GNPTAB: variants seen among roughly 807,000 people sequenced by gnomAD.
GNPTAB encodes N-acetylglucosamine-1-phosphate transferase subunits alpha and beta, also known as N-acetylglucosamine-1-phosphotransferase subunits alpha/beta.
Under a neutral mutation model 136.6 loss-of-function variants are expected in GNPTAB, and 92 were observed. The ratio of observed to expected loss-of-function variants is 0.67; its 90% CI spans 0.57 to 0.80. GNPTAB has a LOEUF of 0.80. Ranked by LOEUF, GNPTAB falls within the 30% of genes least tolerant of loss-of-function variation. The probability of loss-of-function intolerance (pLI) is 0.00; values close to 1 mark genes in which losing one functional copy is unlikely to be tolerated. For synonymous variants in GNPTAB, 512 were observed against 535.1 expected (o/e 0.96, Z 0.60); for missense variants, 1,343 against 1,501.8 (o/e 0.89, Z 1.75).
intron 1 of GNPTAB, among the ~76,000 whole-genome samples, chr12:101,802,199 TAAA>T (rs112485347): frequency 2.6e-4 from 28 of 108,188 alleles, no homozygotes; most frequent in South Asian, 1.2e-3. Flanking sequence ...CCCTGTCTCT[TAAA>T]AAAAAAAAAA....
intron 19 of GNPTAB, among the ~76,000 whole-genome samples, chr12:101,751,427 T>G (rs192370724): frequency 1.3e-5 from 2 of 152,320 alleles, no homozygotes; most frequent in East Asian, 3.9e-4. Context: ...TGGTACCACA[T>G]GCCTTTCATC....
intron 1 of GNPTAB, among the ~76,000 whole-genome samples, chr12:101,827,826 C>T (rs1467385708): frequency 6.6e-6 from 1 of 151,964 alleles, no homozygotes; most frequent in African/African-American, 2.4e-5. Context: ...CTTAGTCTAG[C>T]GTGATGGCGG....
chr12:101,820,222 T>C (rs1378000139), intron 1 of GNPTAB, among the ~76,000 whole-genome samples: 3 of 152,244 alleles, frequency 2.0e-5, no homozygotes, highest in Non-Finnish European at 4.4e-5. Flanking sequence ...TAAGTATTCA[T>C]TCAACAAATA....
intron 1 of GNPTAB, among the ~76,000 whole-genome samples, chr12:101,811,700 G>A (rs189556029): frequency 1.3e-5 from 2 of 149,964 alleles, no homozygotes; most frequent in East Asian, 3.9e-4. Flanking sequence ...GTGCAGTGGT[G>A]AGATCTCAGC....
chr12:101,825,954 C>T (rs973012357), intron 1 of GNPTAB, among the ~76,000 whole-genome samples: 1 of 152,156 alleles, frequency 6.6e-6, no homozygotes, highest in Non-Finnish European at 1.5e-5. Context: ...CAGACGGTCC[C>T]CACTCTCAGG....
intron 1 of GNPTAB, among the ~76,000 whole-genome samples, chr12:101,809,005 T>A (rs1051085331): frequency 6.6e-6 from 1 of 152,074 alleles, no homozygotes; most frequent in Non-Finnish European, 1.5e-5. Context: ...AAGATAACTA[T>A]TGACTGAGAA....
At chr12:101,777,716 G>A (rs1953280141) in intron 7 of GNPTAB, among the ~76,000 whole-genome samples, 1 of 152,212 alleles carries the variant, frequency 6.6e-6, no homozygotes, top group African/African-American at 2.4e-5. Context: ...GGAACGCAGT[G>A]ATAGGAAACT....
chr12:101,830,226 T>A (rs1234448455), intron 1 of GNPTAB, among the ~76,000 whole-genome samples: 3 of 152,160 alleles, frequency 2.0e-5, no homozygotes, highest in Non-Finnish European at 4.4e-5. Flanking sequence ...GACCTCCGTC[T>A]CTATTTTTAA....
At chr12:101,749,947 G>A (rs1952792455) in intron 19 of GNPTAB, among the ~76,000 whole-genome samples, 1 of 152,230 alleles carries the variant, frequency 6.6e-6, no homozygotes, top group African/African-American at 2.4e-5. Context: ...AGACAGGTGG[G>A]GGTATGTGTG....
intron 10 of GNPTAB, among the ~76,000 whole-genome samples, chr12:101,769,737 C>CG (rs916361515): frequency 2.0e-5 from 3 of 151,858 alleles, no homozygotes; most frequent in African/African-American, 7.3e-5. Context: ...ACTCCCCCCA[C>CG]GGCCCCCCAA....
At chr12:101,769,187 C>G (rs1003165390) in intron 10 of GNPTAB, among the ~76,000 whole-genome samples, 5 of 152,206 alleles carry the variant, frequency 3.3e-5, no homozygotes, top group African/African-American at 1.2e-4. Flanking sequence ...GGTATTTGTA[C>G]TTTCCTCACT....
chr12:101,807,514 G>GAA (rs35018199), intron 1 of GNPTAB, among the ~76,000 whole-genome samples: 6 of 148,286 alleles, frequency 4.0e-5, no homozygotes, highest in East Asian at 1.9e-4. Context: ...TTGAATAGAA[G>GAA]AAAAAAAAAA....
chr12:101,756,501 G>A (rs755631335), intron 18 of GNPTAB: 10 of 397,224 alleles, frequency 2.5e-5, no homozygotes, highest in Non-Finnish European at 4.0e-5. Flanking sequence ...TTGAGCCCAC[G>A]AGGTCGAGGC....
intron 1 of GNPTAB, among the ~76,000 whole-genome samples, chr12:101,814,312 T>A (rs571515750): frequency 6.6e-6 from 1 of 151,068 alleles, no homozygotes; most frequent in East Asian, 2.0e-4. Context: ...AAAAAAAAAA[T>A]TATTGAGAAC....
At chr12:101,767,711 C>G (rs1007823869) in intron 11 of GNPTAB, among the ~76,000 whole-genome samples, 6 of 152,192 alleles carry the variant, frequency 3.9e-5, no homozygotes, top group African/African-American at 1.4e-4. Context: ...CAGCCTCTAA[C>G]TCCTAGGCTC....
chr12:101,798,095 A>T (rs1221715891), intron 1 of GNPTAB, among the ~76,000 whole-genome samples: 2 of 152,132 alleles, frequency 1.3e-5, no homozygotes, highest in African/African-American at 4.8e-5. Context: ...AGTATCACTT[A>T]TGTTTTCACC....
rs191253916 is a variant in GNPTAB at position 101,763,606 on chromosome 12, A to G, written c.2715+596T>C. On this transcript the variant is annotated intron_variant, in intron 13 of 20. Transcript: ENST00000299314. ...CAACACAGACACATCTCTTTGCTACAGTTTTCTCCCCACAAATTTGTCTTC... is the reference window on the plus strand; with the variant it reads ...CAACACAGACACATCTCTTTGCTACGGTTTTCTCCCCACAAATTTGTCTTC... Among the ~76,000 whole-genome samples the G allele has an allele frequency of 1.3e-3, 200 of 152,218 alleles. No individual in the cohort carries two copies. In the Middle Eastern group the frequency reaches 0.031, roughly 23 times the overall value.
intron 2 of GNPTAB, among the ~76,000 whole-genome samples, chr12:101,790,688 T>G (rs567596764): frequency 4.5e-4 from 67 of 150,154 alleles, no homozygotes; most frequent in Non-Finnish European, 8.6e-4. Context: ...TACAGTGAGC[T>G]ATGATCGTAC....
chr12:101,826,698 G>C (rs902460489), intron 1 of GNPTAB, among the ~76,000 whole-genome samples: 1 of 151,818 alleles, frequency 6.6e-6, no homozygotes, highest in Admixed American at 6.6e-5. Context: ...ATTAAATAAT[G>C]ATGGCCCTGA....
Sources: gnomAD v4.1 joint callset for allele counts (sites outside exome capture counted in the v4.1 genomes callset) on GRCh38, gnomAD v4.1.1 for gene constraint, MANE v1.5 for transcripts, NCBI Gene and HGNC (gene_info 2026-07-23, HGNC 2026-07-21) for gene names.